B4GALT6: variants seen among roughly 807,000 people sequenced by gnomAD.
B4GALT6 encodes the protein beta-1,4-galactosyltransferase 6, also known as UDP-Gal:beta-GlcNAc beta-1,4-galactosyltransferase 6.
In B4GALT6, 14 loss-of-function variants were observed where a neutral mutation model predicts 46.3. The observed-to-expected ratio is 0.30, with a 90% CI of 0.20 to 0.47. The LOEUF (loss-of-function observed/expected upper bound fraction) is 0.47. Ranked by LOEUF, B4GALT6 falls within the 20% of genes least tolerant of loss-of-function variation. B4GALT6 has a pLI of 0.99. For synonymous variants in B4GALT6, 168 were observed against 162.0 expected (o/e 1.04, Z -0.28); for missense variants, 386 against 480.1 (o/e 0.80, Z 1.83).
intron 2 of B4GALT6, among the ~76,000 whole-genome samples, chr18:31,663,100 C>G (rs996697052): frequency 2.0e-5 from 3 of 152,176 alleles, no homozygotes; most frequent in Admixed American, 2.0e-4. Flanking sequence ...AAAGAAAAGG[C>G]AAACAAAGAA....
intron 1 of B4GALT6, among the ~76,000 whole-genome samples, chr18:31,676,378 T>G (rs2074415348): frequency 6.6e-6 from 1 of 152,238 alleles, no homozygotes; most frequent in African/African-American, 2.4e-5. Context: ...GGAAATGCTT[T>G]GAAATTACTT....
chr18:31,682,202 G>A (rs1250702706), intron 1 of B4GALT6, among the ~76,000 whole-genome samples: 1 of 152,156 alleles, frequency 6.6e-6, no homozygotes, highest in East Asian at 1.9e-4. Flanking sequence ...AAAACTGACA[G>A]TATTTGTTGC....
chr18:31,706,038 G>A, the B4GALT6 span, among the ~76,000 whole-genome samples: 2 of 152,100 alleles, frequency 1.3e-5, no homozygotes, highest in Non-Finnish European at 2.9e-5. Flanking sequence ...ATTATATTTA[G>A]ACAGGTAGTT....
rs146173021 is a variant in B4GALT6 at position 31,647,857 on chromosome 18, C to A, written c.347-2378G>T. ...GTTTCCAAACCGTCCTTGGGAAGGA[C>A]CTCTCTCAGGGATCCTGTGGTTGGA... On this transcript the variant is annotated intron_variant, in intron 3 of 8. Coordinates refer to ENST00000306851, the MANE Select transcript of B4GALT6 (RefSeq NM_004775.5). Among the ~76,000 whole-genome samples, 4 of 152,240 alleles carry A rather than the reference C, an allele frequency of 2.6e-5. No individual in the cohort carries two copies. The East Asian group carries it at 7.7e-4, about 29-fold the overall frequency.
intron 3 of B4GALT6, among the ~76,000 whole-genome samples, chr18:31,652,287 C>T (rs530296128): frequency 6.6e-6 from 1 of 152,162 alleles, no homozygotes; most frequent in African/African-American, 2.4e-5. Context: ...TTACTGAATT[C>T]GTGCTTGCTG....
At chr18:31,712,407 A>G in the B4GALT6 span, among the ~76,000 whole-genome samples, 1 of 143,686 alleles carries the variant, frequency 7.0e-6, no homozygotes, top group Non-Finnish European at 1.5e-5. Flanking sequence ...GGTTCAAGTG[A>G]TTCTCCTGCC....
chr18:31,627,056 T>C lies in B4GALT6; in HGVS notation c.842A>G (p.Asn281Ser), dbSNP rs747287363. 16 of 1,611,788 alleles carry C rather than the reference T, an allele frequency of 9.9e-6. No individual in the cohort carries two copies. Among genetic ancestry groups the C allele is most frequent in the African/African-American group, 4.0e-5 (3 of 74,854 alleles). The change falls in exon 7 of 9, where the codon AAT becomes AGT. Residue 281 changes from asparagine to serine, a missense_variant. Transcript: ENST00000306851. ...GLTVEQFRKI[N>S]GFPNAFWGWG... is the part of the protein sequence containing the mutation. ...TCCCCAGAAGGCATTAGGAAAACCA[T>C]TGATCTTTCTAAATTGTTCCACTGT...
chr18:31,679,555 T>C (rs1332462806), intron 1 of B4GALT6, among the ~76,000 whole-genome samples: 2 of 152,218 alleles, frequency 1.3e-5, no homozygotes, highest in African/African-American at 2.4e-5. Flanking sequence ...CGTGATTCCA[T>C]GTTTCAGAGG....
At chr18:31,692,094 G>A in the B4GALT6 span, among the ~76,000 whole-genome samples, 1 of 152,090 alleles carries the variant, frequency 6.6e-6, no homozygotes, top group South Asian at 2.1e-4. Context: ...TAGAATAATT[G>A]TATAATATTC....
intron 7 of B4GALT6, 89 bp downstream of exon 7, chr18:31,626,910 G>A: frequency 8.9e-7 from 1 of 1,125,500 alleles, no homozygotes; most frequent in Non-Finnish European, 1.3e-6. Flanking sequence ...CCCAAAGAAT[G>A]TTCTTGGAAT....
At chr18:31,724,004 C>G in the B4GALT6 span, among the ~76,000 whole-genome samples, 1 of 150,300 alleles carries the variant, frequency 6.7e-6, no homozygotes, top group Non-Finnish European at 1.5e-5. Flanking sequence ...GGACCGCAGA[C>G]CCCGCGGCCC....
chr18:31,670,829 G>T (rs1399323055), intron 1 of B4GALT6, among the ~76,000 whole-genome samples: 1 of 152,000 alleles, frequency 6.6e-6, no homozygotes, highest in East Asian at 1.9e-4. Flanking sequence ...GTTTACACAT[G>T]CCATGGTGGT....
At chr18:31,657,526 T>C (rs757095722) in intron 3 of B4GALT6, among the ~76,000 whole-genome samples, 3 of 152,202 alleles carry the variant, frequency 2.0e-5, no homozygotes, top group African/African-American at 4.8e-5. Flanking sequence ...GAAAGAATAC[T>C]CAGCAAACTC....
the B4GALT6 span, among the ~76,000 whole-genome samples, chr18:31,708,877 A>G: frequency 2.0e-5 from 3 of 152,214 alleles, no homozygotes; most frequent in Admixed American, 6.5e-5. Flanking sequence ...GGATGAAGCC[A>G]GGTTTCTCAT....
chr18:31,636,523 A>C (rs2144536670), intron 5 of B4GALT6, among the ~76,000 whole-genome samples: 1 of 152,334 alleles, frequency 6.6e-6, no homozygotes, highest in South Asian at 2.1e-4. Flanking sequence ...CATCAACATT[A>C]ATCATCAGGG....
At chr18:31,625,953 C>G (rs1264336002) in intron 8 of B4GALT6, among the ~76,000 whole-genome samples, 192 bp from the exon 9 acceptor site, 1 of 152,104 alleles carries the variant, frequency 6.6e-6, no homozygotes, top group African/African-American at 2.4e-5. Context: ...AGAAATGCCA[C>G]CTGAAAAAAT....
chr18:31,630,715 T>C (rs1206858249), intron 6 of B4GALT6, among the ~76,000 whole-genome samples: 2 of 152,130 alleles, frequency 1.3e-5, no homozygotes, highest in African/African-American at 4.8e-5. Flanking sequence ...CTGTGTGTGC[T>C]TGACCACAGA....
intron 1 of B4GALT6, among the ~76,000 whole-genome samples, 185 bp downstream of exon 1, chr18:31,684,127 A>G (rs74642195): frequency 6.6e-6 from 1 of 152,250 alleles, no homozygotes; most frequent in East Asian, 1.9e-4. Flanking sequence ...GCATGCATTA[A>G]CAAAACTCAC....
the B4GALT6 span, among the ~76,000 whole-genome samples, chr18:31,692,911 C>T: frequency 1.3e-5 from 2 of 152,150 alleles, no homozygotes; most frequent in African/African-American, 4.8e-5. Context: ...ACTGAACTTA[C>T]TTATATGGGG....
Sources: gnomAD v4.1 joint callset for allele counts (sites outside exome capture counted in the v4.1 genomes callset) on GRCh38, gnomAD v4.1.1 for gene constraint, MANE v1.5 for transcripts, NCBI Gene and HGNC (gene_info 2026-07-23, HGNC 2026-07-21) for gene names.